Variants in MAPK10 observed in about 807,000 individuals in gnomAD.
MAPK10 encodes mitogen-activated protein kinase 10.
In MAPK10, 25 loss-of-function variants were observed where a neutral mutation model predicts 59.3. The ratio of observed to expected loss-of-function variants is 0.42; its 90% confidence interval spans 0.31 to 0.59. The LOEUF (loss-of-function observed/expected upper bound fraction) is 0.59. Ranked by LOEUF, MAPK10 falls within the 20% of genes least tolerant of loss-of-function variation. MAPK10 has a pLI of 0.15. For synonymous variants in MAPK10, 190 were observed against 200.5 expected (o/e 0.95, Z 0.44); for missense variants, 351 against 568.9 (o/e 0.62, Z 3.90).
chr4:86,238,478 A>G (rs566541574), intron 2 of MAPK10, among the ~76,000 whole-genome samples: 37 of 152,286 alleles, frequency 2.4e-4, no homozygotes, highest in African/African-American at 8.7e-4. Context: ...CCTTTCCATG[A>G]GGATGGAATG....
intron 9 of MAPK10, chr4:86,080,500 G>T (rs920696535): frequency 6.6e-6 from 1 of 151,722 alleles, no homozygotes; most frequent in African/African-American, 2.4e-5. Context: ...TTCAGGTAAG[G>T]GAACCTCAAT....
At chr4:86,320,452 A>T (rs1434759465) in intron 2 of MAPK10, among the ~76,000 whole-genome samples, 1 of 152,140 alleles carries the variant, frequency 6.6e-6, no homozygotes, top group Non-Finnish European at 1.5e-5. Context: ...AATCAAATAG[A>T]ATATCTACAC....
rs115875596 is a variant in MAPK10, at chr4:86,211,446, A to G, written c.-6-17039T>C. ...GCTAATATATTCAAAGTGCTAAAAG[A>G]AAAAAAGTGTCAACCAAGAATCTAA... On this transcript the variant is annotated intron_variant, in intron 2 of 13. Coordinates refer to ENST00000641462, the MANE Select transcript of MAPK10 (RefSeq NM_138982.4). Among the ~76,000 whole-genome samples the G allele has an allele frequency of 4.4e-3, 666 of 150,662 alleles. 6 individuals carry two copies. Among genetic ancestry groups the G allele is most frequent in the African/African-American group, 0.015 (637 of 41,456 alleles).
chr4:86,086,570 T>C (rs1050707063), intron 9 of MAPK10, among the ~76,000 whole-genome samples: 2 of 152,118 alleles, frequency 1.3e-5, no homozygotes, highest in African/African-American at 4.8e-5. Context: ...AAAAAAGTCA[T>C]GCATAGCTCA....
intron 9 of MAPK10, among the ~76,000 whole-genome samples, chr4:86,071,441 G>C (rs1429657476): frequency 7.2e-6 from 1 of 138,138 alleles, no homozygotes; most frequent in Admixed American, 7.0e-5. Flanking sequence ...CGTTGCTTTT[G>C]GTGTTTTGGA....
At chr4:86,540,932 A>G (rs2149095059) in intron 1 of MAPK10, among the ~76,000 whole-genome samples, 1 of 152,258 alleles carries the variant, frequency 6.6e-6, no homozygotes, top group Admixed American at 6.5e-5. Context: ...GCAAGACCCT[A>G]TCTTGAACAA....
chr4:86,552,506 GAA>G (rs1565031903), intron 1 of MAPK10, among the ~76,000 whole-genome samples: 1 of 42,798 alleles, frequency 2.3e-5, no homozygotes. Context: ...GGAAGGAAAG[GAA>G]GGAAGGAAGG....
intron 3 of MAPK10, among the ~76,000 whole-genome samples, chr4:86,181,909 C>A (rs999647486): frequency 6.6e-6 from 1 of 152,040 alleles, no homozygotes; most frequent in East Asian, 1.9e-4. Flanking sequence ...CTGTTCAGTA[C>A]AACAAAGTTC....
intron 3 of MAPK10, among the ~76,000 whole-genome samples, chr4:86,171,427 TCTACAA>T (rs2074102279): frequency 6.6e-6 from 1 of 151,638 alleles, no homozygotes; most frequent in African/African-American, 2.4e-5. Context: ...ACGCTGCATA[TCTACAA>T]CTATCTGATC....
At chr4:86,258,854 G>A (rs1184968391) in intron 2 of MAPK10, among the ~76,000 whole-genome samples, 1 of 151,942 alleles carries the variant, frequency 6.6e-6, no homozygotes, top group Non-Finnish European at 1.5e-5. Context: ...TTGCAGCACT[G>A]ACTCCTGCAC....
chr4:86,164,845 A>C (rs1388679729), intron 3 of MAPK10, among the ~76,000 whole-genome samples: 1 of 152,176 alleles, frequency 6.6e-6, no homozygotes, highest in Non-Finnish European at 1.5e-5. Context: ...ATATGAATTA[A>C]AGTTTATCTG....
At chr4:86,120,464 C>T (rs2059052559) in intron 4 of MAPK10, 3 of 152,232 alleles carry the variant, frequency 2.0e-5, no homozygotes, top group Admixed American at 2.0e-4. Flanking sequence ...AGCTCAGCAG[C>T]TCATCACCAC....
At chr4:86,402,847 C>T (rs764806975) in intron 1 of MAPK10, among the ~76,000 whole-genome samples, 3 of 152,170 alleles carry the variant, frequency 2.0e-5, no homozygotes, top group Non-Finnish European at 1.5e-5. Flanking sequence ...TGTCAGTCAG[C>T]CCTGGGCTGT....
At chr4:86,493,242 G>A (rs1754612821) in intron 1 of MAPK10, among the ~76,000 whole-genome samples, 1 of 152,162 alleles carries the variant, frequency 6.6e-6, no homozygotes, top group Non-Finnish European at 1.5e-5. Context: ...TCTGAGGACT[G>A]CCTGATTTGC....
chr4:86,577,374 G>T (rs895875263), intron 1 of MAPK10, among the ~76,000 whole-genome samples: 7 of 151,918 alleles, frequency 4.6e-5, no homozygotes, highest in African/African-American at 1.7e-4. Flanking sequence ...CAAACTAGAA[G>T]GAAAAGGACA....
At chr4:86,250,318 A>G (rs550353925) in intron 2 of MAPK10, among the ~76,000 whole-genome samples, 4 of 152,266 alleles carry the variant, frequency 2.6e-5, no homozygotes, top group Admixed American at 2.6e-4. Context: ...TAGTCCTTAT[A>G]CTGTATTTGT....
chr4:86,272,491 A>G (rs2148774462), intron 2 of MAPK10, among the ~76,000 whole-genome samples: 1 of 152,178 alleles, frequency 6.6e-6, no homozygotes, highest in East Asian at 1.9e-4. Flanking sequence ...TAACTTTTAT[A>G]TGGTATAAAG....
chr4:86,531,845 G>A (rs868687345), intron 1 of MAPK10, among the ~76,000 whole-genome samples: 1 of 152,026 alleles, frequency 6.6e-6, no homozygotes, highest in Non-Finnish European at 1.5e-5. Flanking sequence ...AGGAAATGGT[G>A]ACAGGAGCCA....
At chr4:86,592,844 T>G (rs1464225050) in intron 1 of MAPK10, among the ~76,000 whole-genome samples, 2 of 152,228 alleles carry the variant, frequency 1.3e-5, no homozygotes, top group Non-Finnish European at 2.9e-5. Context: ...CAGCCCATTT[T>G]ACATAGCAAA....
Sources: gnomAD v4.1 joint callset for allele counts (sites outside exome capture counted in the v4.1 genomes callset) on GRCh38, gnomAD v4.1.1 for gene constraint, MANE v1.5 for transcripts, NCBI Gene and HGNC (gene_info 2026-07-23, HGNC 2026-07-21) for gene names.